ZNF180: variants seen among roughly 807,000 people sequenced by gnomAD.
ZNF180 encodes zinc finger protein 180 (HHZ168).
ZNF180 carries 11 observed loss-of-function variants against 11.8 expected under a neutral mutation model. The observed-to-expected ratio is 0.93, with a 90% CI of 0.59 to 1.55. The LOEUF (loss-of-function observed/expected upper bound fraction) is 1.55. Among genes scored for constraint, ZNF180 ranks in the 40% most tolerant of loss-of-function variants. The pLI, the probability that ZNF180 is intolerant of heterozygous loss-of-function variation, is 0.00. For synonymous variants in ZNF180, 287 were observed against 257.7 expected, an observed-to-expected ratio of 1.11 and a Z score of -1.09; for missense variants, 773 against 781.7, an observed-to-expected ratio of 0.99 and a Z score of 0.13.
At chr19:44,486,240 A>G (rs1000606991) in intron 2 of ZNF180, among the ~76,000 whole-genome samples, 1 of 152,250 alleles carries the variant, frequency 6.6e-6, no homozygotes, top group African/African-American at 2.4e-5. Flanking sequence ...ATAAAATATA[A>G]ATATGCACGG....
At chr19:44,497,226 C>A in intron 2 of ZNF180, 58 bp downstream of exon 2, 3 of 1,457,600 alleles carry the variant, frequency 2.1e-6, no homozygotes, top group Non-Finnish European at 2.7e-6. Context: ...GGAGCCACAG[C>A]CTCCCAAGCT....
chr19:44,488,141 G>GTCTCCC (rs1555735731), intron 2 of ZNF180, among the ~76,000 whole-genome samples: 2 of 105,306 alleles, frequency 1.9e-5, no homozygotes, highest in African/African-American at 8.4e-5. Context: ...TCTTTCCACG[G>GTCTCCC]TCTCCCTCTC....
intron 3 of ZNF180, among the ~76,000 whole-genome samples, chr19:44,480,197 T>C (rs1600072759): frequency 6.6e-6 from 1 of 152,264 alleles, no homozygotes. Flanking sequence ...GCCTCCATCT[T>C]CTGGGCTCAA....
In ZNF180 at chr19:44,477,136, TC is replaced by T; in HGVS notation, c.1263del (p.Ser422AlafsTer196). The T allele has an allele frequency of 6.2e-7, 1 of 1,613,204 alleles. No individual in the cohort carries two copies. Among genetic ancestry groups the T allele is most frequent in the Non-Finnish European group, 8.5e-7 (1 of 1,179,236 alleles). ...ECNQCGKSFR[Q>X]SYKLIAHQRT... ...CTTTGATGTGCAATAAGTTTATAGC[TC>T]TGCCTGAATGACTTTCCACACTGAT... On this transcript the variant is annotated frameshift_variant, in exon 5 of 5. Coordinates refer to ENST00000592529, the MANE Select transcript of ZNF180 (RefSeq NM_001278509.3). LOFTEE classifies it low-confidence loss of function (END_TRUNC).
chr19:44,478,260 C>A, intron 4 of ZNF180, 114 bp from the exon 5 acceptor site: 1 of 1,169,742 alleles, frequency 8.5e-7, no homozygotes. Flanking sequence ...CAAATACTGA[C>A]CGATAACCTA....
chr19:44,496,951 C>G (rs1402908941), intron 2 of ZNF180, among the ~76,000 whole-genome samples: 2 of 152,124 alleles, frequency 1.3e-5, no homozygotes, highest in African/African-American at 4.8e-5. Flanking sequence ...ATGGTCTTAT[C>G]GTAATTCATT....
At position 44,475,407 on chromosome 19, in the gene ZNF180, C is replaced by T. The variant is rs911690046; in HGVS notation, c.*995G>A. 1 of 152,140 alleles carries T rather than the reference C, an allele frequency of 6.6e-6. No individual in the cohort carries two copies. Among genetic ancestry groups the T allele is most frequent in the Non-Finnish European group, 1.5e-5 (1 of 68,030 alleles). 9.4% of individuals were successfully genotyped at this position (152,140 alleles called of 1,614,324 possible). On this transcript the variant is annotated 3_prime_UTR_variant, in exon 5 of 5. Transcript: ENST00000592529. ...AAAATAAGCCCACTTGCCCTCTATACTTCCCACGCATTCTCAGTTCTTCAT... is the reference window on the plus strand; with the variant it reads ...AAAATAAGCCCACTTGCCCTCTATATTTCCCACGCATTCTCAGTTCTTCAT...
At chr19:44,489,328 CG>C in intron 2 of ZNF180, among the ~76,000 whole-genome samples, 1 of 141,038 alleles carries the variant, frequency 7.1e-6, no homozygotes, top group South Asian at 2.5e-4. Flanking sequence ...ATTGAGAAAT[CG>C]GATGGTTGCT....
At chr19:44,478,845 T>C (rs895858343) in intron 4 of ZNF180, among the ~76,000 whole-genome samples, 3 of 152,202 alleles carry the variant, frequency 2.0e-5, no homozygotes, top group African/African-American at 4.8e-5. Flanking sequence ...GCATCTTCTA[T>C]GCGGATTTTT....
At chr19:44,479,632 C>T (rs1024135017) in intron 3 of ZNF180, among the ~76,000 whole-genome samples, 3 of 152,140 alleles carry the variant, frequency 2.0e-5, no homozygotes, top group South Asian at 2.1e-4. Flanking sequence ...AAGAGGAATA[C>T]CAGATAAGAA....
At chr19:44,493,319 A>C (rs1229012896) in intron 2 of ZNF180, among the ~76,000 whole-genome samples, 1 of 152,202 alleles carries the variant, frequency 6.6e-6, no homozygotes, top group Non-Finnish European at 1.5e-5. Context: ...ACCAGCTGCT[A>C]CTTCCTGTGT....
intron 2 of ZNF180, among the ~76,000 whole-genome samples, chr19:44,485,759 A>G (rs1278729509): frequency 6.6e-6 from 1 of 152,250 alleles, no homozygotes; most frequent in Non-Finnish European, 1.5e-5. Flanking sequence ...AGCCACACTC[A>G]GCTTTCCCTG....
chr19:44,483,601 TC>T (rs1970139080), intron 3 of ZNF180, among the ~76,000 whole-genome samples: 1 of 152,226 alleles, frequency 6.6e-6, no homozygotes, highest in Non-Finnish European at 1.5e-5. Context: ...TTGTCATACA[TC>T]TCTCCATTCC....
chr19:44,492,258 G>C (rs541664015), intron 2 of ZNF180, among the ~76,000 whole-genome samples: 1 of 152,290 alleles, frequency 6.6e-6, no homozygotes, highest in African/African-American at 2.4e-5. Flanking sequence ...TCAGTATTGA[G>C]TAGGAGCACA....
Position 44,477,102 on chromosome 19 carries a change from G to A in ZNF180, c.1298C>T (p.Thr433Ile), listed in dbSNP as rs1293362825. ...YKLIAHQRTH[T>I]GEKPYECNQC... ...ATTACATTCATAGGGCTTCTCTCCGGTATGTGTTCTTTGATGTGCAATAAG... is the reference window on the plus strand; with the variant it reads ...ATTACATTCATAGGGCTTCTCTCCGATATGTGTTCTTTGATGTGCAATAAG... Residue 433 changes from threonine to isoleucine, a missense_variant, in exon 5 of 5, where the codon ACC (threonine) becomes ATC (isoleucine). Transcript: ENST00000592529. 2 of 1,613,884 alleles carry A rather than the reference G, an allele frequency of 1.2e-6. No individual in the cohort carries two copies. Among genetic ancestry groups the A allele is most frequent in the Non-Finnish European group, 1.7e-6 (2 of 1,179,842 alleles).
Position 44,494,913 on chromosome 19 carries a change from G to C in ZNF180, c.51+2371C>G, listed in dbSNP as rs150971718. On this transcript the variant is annotated intron_variant, in intron 2 of 4. Transcript: ENST00000592529. Reference sequence around the variant, plus strand: ...TTTAGAAGGTGAAATGTGGGCACTAGGTATGCGTAGTGGTATTAGGATGTC... The same window carrying C: ...TTTAGAAGGTGAAATGTGGGCACTACGTATGCGTAGTGGTATTAGGATGTC... Among the ~76,000 whole-genome samples, 72 of 152,230 alleles carry C rather than the reference G, an allele frequency of 4.7e-4. No individual in the cohort carries two copies. In the East Asian group the frequency reaches 0.013, roughly 28 times the overall value.
chr19:44,489,815 CGAAAG>C (rs1284232695), intron 2 of ZNF180, among the ~76,000 whole-genome samples: 1 of 78,478 alleles, frequency 1.3e-5, no homozygotes, highest in Non-Finnish European at 2.6e-5. Context: ...TAAACTTGAC[CGAAAG>C]AAAAGAAAGA....
In ZNF180 at chr19:44,476,750, A is replaced by G. The variant is rs199835527; in HGVS notation, c.1650T>C (p.Tyr550=). 42 of 1,614,154 alleles carry G rather than the reference A, an allele frequency of 2.6e-5. No individual in the cohort carries two copies. In the East Asian group the frequency reaches 8.9e-4, roughly 34 times the overall value. The change falls in exon 5 of 5, where the codon TAT becomes TAC. Residue 550 remains tyrosine (Y), a synonymous_variant. Transcript: ENST00000592529. ...HQRIHTGEKP[Y]ECNQCGKSFS... ...AGGATTTCCCACACTGATTACATTC[A>G]TACGGTTTTTCCCCAGTGTGAATTC... is the stretch of plus-strand genomic sequence containing the variant.
chr19:44,497,745 G>C (rs1970629682), intron 1 of ZNF180, among the ~76,000 whole-genome samples: 1 of 151,976 alleles, frequency 6.6e-6, no homozygotes, highest in Admixed American at 6.5e-5. Context: ...GCATATTGAG[G>C]ACCCCCTGGT....
Sources: gnomAD v4.1 joint callset for allele counts (sites outside exome capture counted in the v4.1 genomes callset) on GRCh38, gnomAD v4.1.1 for gene constraint, MANE v1.5 for transcripts, NCBI Gene and HGNC (gene_info 2026-07-23, HGNC 2026-07-21) for gene names.